CSMD1: variants seen among roughly 807,000 people sequenced by gnomAD.
CSMD1 encodes CUB and Sushi multiple domains 1.
A neutral mutation model predicts 417.5 loss-of-function variants in CSMD1; 213 were observed. That is an observed-to-expected ratio of 0.51 (90% CI 0.46 to 0.57). The LOEUF is 0.57. Ranked by LOEUF, CSMD1 falls within the 20% of genes least tolerant of loss-of-function variation. The probability of loss-of-function intolerance (pLI) is 0.00; values close to 1 mark genes in which losing one functional copy is unlikely to be tolerated. For missense variants in CSMD1, 6,923 were observed against 4,529.7 expected, an observed-to-expected ratio of 1.53 and a Z score of -15.17; for synonymous variants, 2,862 against 1,736.8, an observed-to-expected ratio of 1.65 and a Z score of -16.11.
At chr8:4,611,315 T>G (rs1319259299) in intron 2 of CSMD1, among the ~76,000 whole-genome samples, 3 of 152,192 alleles carry the variant, frequency 2.0e-5, no homozygotes, top group South Asian at 4.1e-4. Flanking sequence ...TTTGTATTAT[T>G]CCCTCTTTGA....
intron 11 of CSMD1, among the ~76,000 whole-genome samples, 164 bp downstream of exon 11, chr8:3,493,459 A>C (rs7830175): frequency 1.3e-5 from 2 of 152,062 alleles, no homozygotes; most frequent in African/African-American, 2.4e-5. Context: ...TATACTCATA[A>C]TGTGTTCTCA....
At chr8:4,665,651 A>G (rs1804875317) in intron 1 of CSMD1, among the ~76,000 whole-genome samples, 1 of 152,296 alleles carries the variant, frequency 6.6e-6, no homozygotes, top group East Asian at 1.9e-4. Context: ...CCACGTTAGC[A>G]TAACGCATTC....
At chr8:3,654,224 T>G (rs1034583613) in intron 7 of CSMD1, among the ~76,000 whole-genome samples, 2 of 152,214 alleles carry the variant, frequency 1.3e-5, no homozygotes, top group African/African-American at 2.4e-5. Flanking sequence ...GACTGAATTG[T>G]ATGTAAACCT....
In CSMD1 at chr8:4,320,253, A is replaced by G. The variant is rs546679822; in HGVS notation, c.415+99700T>C. On this transcript the variant is annotated intron_variant, in intron 3 of 69. Coordinates refer to ENST00000635120, the MANE Select transcript of CSMD1 (RefSeq NM_033225.6). The stretch of plus-strand genomic sequence containing the variant: ...ACCAGGCATGAAAAGAAACAGGAAA[A>G]TAAGACCCACAACAAGTAGGAAAAT... 3.3e-5 allele frequency among the ~76,000 whole-genome samples: 5 copies of G among 152,334 alleles called. No individual in the cohort carries two copies. The South Asian group carries it at 6.2e-4, about 19-fold the overall frequency.
intron 7 of CSMD1, among the ~76,000 whole-genome samples, chr8:3,677,132 C>G (rs1394367256): frequency 1.3e-5 from 2 of 151,962 alleles, no homozygotes; most frequent in African/African-American, 4.8e-5. Context: ...AACAAGCCTG[C>G]ACATTCTGCA....
chr8:4,211,638 G>A (rs1242243695), intron 3 of CSMD1, among the ~76,000 whole-genome samples: 4 of 152,126 alleles, frequency 2.6e-5, no homozygotes, highest in African/African-American at 7.2e-5. Context: ...ATATCCCATC[G>A]TACTAAAATC....
intron 12 of CSMD1, among the ~76,000 whole-genome samples, chr8:3,455,590 G>T (rs2100122): frequency 0.67 from 101,456 of 152,158 alleles, 34,087 homozygotes; most frequent in Middle Eastern, 0.75. Flanking sequence ...CAGACCTTGT[G>T]TGCCTGGGTA....
chr8:4,445,137 GTT>G (rs1178348251), intron 2 of CSMD1, among the ~76,000 whole-genome samples: 1 of 152,168 alleles, frequency 6.6e-6, no homozygotes, highest in Non-Finnish European at 1.5e-5. Context: ...ATACAGTGCT[GTT>G]TTAAGATTGG....
chr8:4,411,564 G>A (rs1221355693), intron 3 of CSMD1, among the ~76,000 whole-genome samples: 1 of 151,934 alleles, frequency 6.6e-6, no homozygotes, highest in Non-Finnish European at 1.5e-5. Context: ...AATTTTTTCT[G>A]TGCTCATTGC....
chr8:4,164,091 A>C (rs1045631674), intron 3 of CSMD1, among the ~76,000 whole-genome samples: 4 of 147,296 alleles, frequency 2.7e-5, no homozygotes, highest in Non-Finnish European at 6.0e-5. Flanking sequence ...TCCAATACTT[A>C]TCATGTTTTT....
At chr8:3,122,484 T>G (rs1817264280) in intron 41 of CSMD1, among the ~76,000 whole-genome samples, 1 of 152,142 alleles carries the variant, frequency 6.6e-6, no homozygotes, top group Non-Finnish European at 1.5e-5. Context: ...GAATTTGCAG[T>G]TGACGTGGTA....
chr8:3,260,345 A>T (rs1800964254), intron 26 of CSMD1, among the ~76,000 whole-genome samples: 1 of 152,142 alleles, frequency 6.6e-6, no homozygotes, highest in Non-Finnish European at 1.5e-5. Flanking sequence ...GGGAACCAGC[A>T]GCTGGAGTTT....
chr8:4,954,140 G>A (rs1180633814), intron 1 of CSMD1, among the ~76,000 whole-genome samples: 1 of 151,986 alleles, frequency 6.6e-6, no homozygotes, highest in Non-Finnish European at 1.5e-5. Flanking sequence ...CCAAAGAGTA[G>A]GTTCAAATAA....
rs754052857 is a variant in CSMD1 at position 3,230,111 on chromosome 8, C to T, written c.4274G>A (p.Gly1425Glu). 1 of 1,613,554 alleles carries T rather than the reference C, an allele frequency of 6.2e-7. No individual in the cohort carries two copies. Among genetic ancestry groups the T allele is most frequent in the Non-Finnish European group, 8.5e-7 (1 of 1,179,740 alleles). ...FQCDPGYQLQ[G>E]QAKITCVQLN... The stretch of plus-strand genomic sequence containing the variant: ...CTGCACACAGGTGATTTTGGCTTGT[C>T]CTTGGAGCTGATAGCCAGGGTCACA... Residue 1425 changes from glycine (G) to glutamate (E), a missense_variant, in exon 27 of 70, where the codon GGA becomes GAA. Gly to Glu is a moderately conservative substitution (Grantham distance 98, BLOSUM62 -2). Coordinates refer to ENST00000635120, the MANE Select transcript of CSMD1 (RefSeq NM_033225.6).
intron 10 of CSMD1, among the ~76,000 whole-genome samples, chr8:3,536,902 G>C (rs1028452512): frequency 6.6e-6 from 1 of 152,190 alleles, no homozygotes; most frequent in Non-Finnish European, 1.5e-5. Flanking sequence ...TAGTTTAGAA[G>C]GATTTATTGT....
intron 3 of CSMD1, among the ~76,000 whole-genome samples, chr8:4,313,832 G>A (rs1179594983): frequency 6.6e-6 from 1 of 151,884 alleles, no homozygotes; most frequent in Non-Finnish European, 1.5e-5. Context: ...TGACCAATAT[G>A]GTGAAACCTC....
intron 3 of CSMD1, among the ~76,000 whole-genome samples, chr8:4,053,030 T>C (rs186300360): frequency 5.6e-4 from 86 of 152,222 alleles, no homozygotes; most frequent in Admixed American, 1.0e-3. Context: ...AGGGTAACAA[T>C]TGGTACCTCT....
intron 5 of CSMD1, among the ~76,000 whole-genome samples, chr8:3,973,004 A>C (rs1028851937): frequency 6.6e-6 from 1 of 152,252 alleles, no homozygotes; most frequent in Non-Finnish European, 1.5e-5. Flanking sequence ...TAAATTTTAC[A>C]TTTATTTTTC....
chr8:2,965,438 C>A (rs959842386), intron 59 of CSMD1, among the ~76,000 whole-genome samples: 3 of 152,118 alleles, frequency 2.0e-5, no homozygotes, highest in Non-Finnish European at 4.4e-5. Context: ...CCACGAACAC[C>A]TCACACAGCT....
Sources: allele counts gnomAD v4.1 joint callset (sites outside exome capture counted in the v4.1 genomes callset), GRCh38; gene constraint gnomAD v4.1.1; transcripts MANE v1.5; gene names NCBI Gene and HGNC (gene_info 2026-07-23, HGNC 2026-07-21).